Variants in PPP1R16B observed in about 807,000 individuals in gnomAD.
PPP1R16B encodes protein phosphatase 1 regulatory inhibitor subunit 16B.
Under a neutral mutation model 61.7 loss-of-function variants are expected in PPP1R16B, and 14 were observed. That is an observed-to-expected ratio of 0.23 (90% CI 0.15 to 0.35). The LOEUF is 0.35. Ranked by LOEUF, PPP1R16B falls within the 10% of genes least tolerant of loss-of-function variation. The pLI, the probability that PPP1R16B is intolerant of heterozygous loss-of-function variation, is 1.00. For missense variants in PPP1R16B, 547 were observed against 752.5 expected (o/e 0.73, Z 3.19); for synonymous variants, 266 against 305.3 (o/e 0.87, Z 1.34).
chr20:38,855,955 G>T (rs1245513984), intron 2 of PPP1R16B, among the ~76,000 whole-genome samples: 6 of 83,308 alleles, frequency 7.2e-5, no homozygotes, highest in African/African-American at 1.1e-4. Context: ...GAGAGAGAGA[G>T]AGAGAGAGAG....
intron 2 of PPP1R16B, 102 bp downstream of exon 2, chr20:38,836,277 G>A: frequency 6.8e-7 from 1 of 1,471,294 alleles, no homozygotes; most frequent in South Asian, 1.4e-5. Flanking sequence ...AGGCAGGTCT[G>A]CAGACCCACT....
intron 1 of PPP1R16B, among the ~76,000 whole-genome samples, chr20:38,807,216 G>A (rs1232646517): frequency 1.3e-5 from 2 of 152,190 alleles, no homozygotes; most frequent in African/African-American, 4.8e-5. Context: ...CCATCTAGGA[G>A]GCCTCCTCCA....
At chr20:38,811,094 C>A (rs2084697678) in intron 1 of PPP1R16B, among the ~76,000 whole-genome samples, 1 of 152,140 alleles carries the variant, frequency 6.6e-6, no homozygotes, top group African/African-American at 2.4e-5. Flanking sequence ...GTCTCAGAAT[C>A]TAGAATGGCA....
In PPP1R16B at chr20:38,817,101, TC is replaced by T. The variant is rs1418292088; in HGVS notation, c.-102+11312del. Among the ~76,000 whole-genome samples, 8 of 152,288 alleles carry T rather than the reference TC, an allele frequency of 5.3e-5. No homozygotes were observed. The East Asian group carries it at 1.5e-3, about 29-fold the overall frequency. On this transcript the variant is annotated intron_variant, in intron 1 of 10. Coordinates refer to ENST00000299824, the MANE Select transcript of PPP1R16B (RefSeq NM_015568.4). ...GGGATGTAAAGGTGAACAATACATA[TC>T]CCTTGTCTTCTGAGAGCATCCAGTC...
chr20:38,826,311 G>A (rs527771892), intron 1 of PPP1R16B, among the ~76,000 whole-genome samples: 3 of 152,306 alleles, frequency 2.0e-5, no homozygotes, highest in African/African-American at 7.2e-5. Context: ...TAGAAGACAG[G>A]CTGTTTGGTT....
In PPP1R16B at chr20:38,900,486, A is replaced by C. The variant is rs1237128530; in HGVS notation, c.468-95A>C. ...GGTGGGGTTTTGAGTGCCGGGTTGTACAGTAGGATTGCAGGCGAGAGGCCA... is the reference window on the plus strand; with the variant it reads ...GGTGGGGTTTTGAGTGCCGGGTTGTCCAGTAGGATTGCAGGCGAGAGGCCA... On this transcript the variant is annotated intron_variant, in intron 4 of 10. Coordinates refer to ENST00000299824, the MANE Select transcript of PPP1R16B (RefSeq NM_015568.4). The C allele has an allele frequency of 7.7e-6, 7 of 903,642 alleles. No homozygotes were observed. In the East Asian group the frequency reaches 1.9e-4, roughly 25 times the overall value. 56.0% of individuals were successfully genotyped at this position (903,642 alleles called of 1,614,324 possible). A position where few individuals can be genotyped will look rare whatever the true frequency, so the allele number is the denominator to read the frequency against.
At chr20:38,876,944 T>C (rs1301960022) in intron 2 of PPP1R16B, among the ~76,000 whole-genome samples, 1 of 152,120 alleles carries the variant, frequency 6.6e-6, no homozygotes, top group Non-Finnish European at 1.5e-5. Context: ...CAATGAAAAG[T>C]GTGTGGATGT....
rs530907128 is a variant in PPP1R16B, at chr20:38,895,699, C to A, written c.456C>A (p.Ile152=). 11 of 1,613,996 alleles carry A rather than the reference C, an allele frequency of 6.8e-6. No individual in the cohort carries two copies. Among genetic ancestry groups the A allele is most frequent in the Non-Finnish European group, 9.3e-6 (11 of 1,179,994 alleles). The change falls in exon 4 of 11, where the codon ATC becomes ATA. Residue 152 remains isoleucine (I), a synonymous_variant. Transcript: ENST00000299824. ...GCGGCCACATCAACCTGGTGAAGATCCTCGTTCAGTAGTACGTGCCCCTCC... is the reference window on the plus strand; with the variant it reads ...GCGGCCACATCAACCTGGTGAAGATACTCGTTCAGTAGTACGTGCCCCTCC... The part of the protein sequence containing the change: ...ATCGHINLVK[I]LVQYGADLLA...
chr20:38,829,457 A>G (rs775653266), intron 1 of PPP1R16B, among the ~76,000 whole-genome samples: 5 of 152,152 alleles, frequency 3.3e-5, no homozygotes, highest in Non-Finnish European at 7.4e-5. Context: ...TCTCTGCAGG[A>G]TGTTCCGTCT....
chr20:38,828,363 G>A (rs2084816744), intron 1 of PPP1R16B, among the ~76,000 whole-genome samples: 1 of 152,166 alleles, frequency 6.6e-6, no homozygotes, highest in African/African-American at 2.4e-5. Flanking sequence ...TCAGCAAGAG[G>A]CCATTCATTT....
Position 38,918,793 on chromosome 20 carries a change from C to A in PPP1R16B, c.*127C>A. ...GTGGGCTCTGCTTTTCAGAGGAACT[C>A]AGACCCCAGCCCTCAGCTGGCTGCC... On this transcript the variant is annotated 3_prime_UTR_variant, in exon 11 of 11. Coordinates refer to ENST00000299824, the MANE Select transcript of PPP1R16B (RefSeq NM_015568.4). This position sits in a 1 kb window ranked among gnomAD's most constrained non-coding sequence, Gnocchi z 5.3. 1 of 1,168,036 alleles carries A rather than the reference C, an allele frequency of 8.6e-7. No individual in the cohort carries two copies. Among genetic ancestry groups the A allele is most frequent in the East Asian group, 2.8e-5 (1 of 36,178 alleles). The allele number at this position is 1,168,036 out of a possible 1,614,324, so 72.4% of individuals were successfully genotyped here.
intron 2 of PPP1R16B, among the ~76,000 whole-genome samples, chr20:38,842,417 G>A (rs1253944182): frequency 6.6e-6 from 1 of 152,164 alleles, no homozygotes; most frequent in Non-Finnish European, 1.5e-5. Flanking sequence ...AGTTGTTAGA[G>A]ACTTCTGTTT....
chr20:38,871,095 C>T (rs2085125751), intron 2 of PPP1R16B, among the ~76,000 whole-genome samples: 1 of 152,156 alleles, frequency 6.6e-6, no homozygotes, highest in Non-Finnish European at 1.5e-5. Flanking sequence ...GCACATAGCT[C>T]AGCCTGGTGC....
intron 1 of PPP1R16B, among the ~76,000 whole-genome samples, chr20:38,833,808 C>T (rs1334734230): frequency 1.3e-5 from 2 of 152,212 alleles, no homozygotes; most frequent in African/African-American, 2.4e-5. Flanking sequence ...CTCCAGTCTC[C>T]GAGCTGGGAG....
Position 38,806,369 on chromosome 20 carries a change from G to A in PPP1R16B, c.-102+577G>A, listed in dbSNP as rs1289672980. ...GCAGACCCGCCCCGCCTCAGGATCC[G>A]GCTGACAGCACCAGCCAGCCCGGGG... On this transcript the variant is annotated intron_variant, in intron 1 of 10. Transcript: ENST00000299824. This position sits in a 1 kb window ranked among gnomAD's most constrained non-coding sequence, Gnocchi z 4.5. 6.6e-6 allele frequency among the ~76,000 whole-genome samples: 1 copy of A among 152,024 alleles called. No individual in the cohort carries two copies. Among genetic ancestry groups the A allele is most frequent in the Non-Finnish European group, 1.5e-5 (1 of 67,966 alleles).
chr20:38,847,117 T>G (rs764006717), intron 2 of PPP1R16B, among the ~76,000 whole-genome samples: 2 of 152,262 alleles, frequency 1.3e-5, no homozygotes, highest in Non-Finnish European at 2.9e-5. Context: ...AACCACTCAT[T>G]TGACTACCAG....
intron 2 of PPP1R16B, among the ~76,000 whole-genome samples, chr20:38,867,930 C>T (rs1046176070): frequency 6.6e-6 from 1 of 152,224 alleles, no homozygotes; most frequent in Non-Finnish European, 1.5e-5. Flanking sequence ...ATCTTGGCCT[C>T]CCTAAGTGCC....
chr20:38,820,008 T>G (rs2084762718), intron 1 of PPP1R16B, among the ~76,000 whole-genome samples: 1 of 152,196 alleles, frequency 6.6e-6, no homozygotes, highest in Admixed American at 6.5e-5. Context: ...TGTTGTTGAA[T>G]TTTACATAAA....
At chr20:38,876,578 T>G (rs1044471478) in intron 2 of PPP1R16B, among the ~76,000 whole-genome samples, 1 of 151,930 alleles carries the variant, frequency 6.6e-6, no homozygotes, top group South Asian at 2.1e-4. Context: ...TTGCAAGCAG[T>G]ATAAAATTAA....
Sources: gnomAD v4.1 joint callset for allele counts (sites outside exome capture counted in the v4.1 genomes callset) on GRCh38, gnomAD v4.1.1 for gene constraint, Gnocchi (gnomAD v3.1) non-coding constraint, MANE v1.5 for transcripts, NCBI Gene and HGNC (gene_info 2026-07-23, HGNC 2026-07-21) for gene names.